ITGA8: variants seen among roughly 807,000 people sequenced by gnomAD.
ITGA8 encodes integrin subunit alpha 8.
Under a neutral mutation model 142.3 loss-of-function variants are expected in ITGA8, and 91 were observed. The ratio of observed to expected loss-of-function variants is 0.64; its 90% CI spans 0.54 to 0.76. The LOEUF is 0.76. Ranked by LOEUF, ITGA8 falls within the 30% of genes least tolerant of loss-of-function variation. The pLI, the probability that ITGA8 is intolerant of heterozygous loss-of-function variation, is 0.00. For missense variants in ITGA8, 1,406 were observed against 1,327.7 expected (o/e 1.06, Z -0.92); for synonymous variants, 505 against 485.2 (o/e 1.04, Z -0.54).
chr10:15,677,718 A>G, intron 5 of ITGA8, 81 bp from the exon 6 acceptor site: 3 of 1,371,946 alleles, frequency 2.2e-6, no homozygotes, highest in East Asian at 2.3e-5. Context: ...ATTGTTGTTA[A>G]TAAGCATTGC....
intron 5 of ITGA8, 110 bp from the exon 6 acceptor site, chr10:15,677,747 ATAAAAAGCAATTTTTAAAAGAGATCCT>A: frequency 2.0e-6 from 2 of 980,818 alleles, no homozygotes; most frequent in Non-Finnish European, 3.0e-6. Context: ...TTTGTTACAC[ATAAAAAGCAATTTTTAAAAGAGATCCT>A]TCGGAGGCCT....
intron 26 of ITGA8, among the ~76,000 whole-genome samples, chr10:15,551,314 G>A (rs146397724): frequency 6.6e-6 from 1 of 152,084 alleles, no homozygotes; most frequent in East Asian, 1.9e-4. Context: ...GCATTGAAAG[G>A]ATGGGCAGAG....
At chr10:15,637,488 C>T (rs2131639697) in intron 13 of ITGA8, among the ~76,000 whole-genome samples, 1 of 150,726 alleles carries the variant, frequency 6.6e-6, no homozygotes, top group East Asian at 2.0e-4. Context: ...TTCCCCTGTT[C>T]TCACAGACTC....
At position 15,531,111 on chromosome 10, in the gene ITGA8, A is replaced by G. The variant is rs138034749; in HGVS notation, c.2921T>C (p.Phe974Ser). The G allele has an allele frequency of 6.9e-4, 1,087 of 1,578,078 alleles. 1 individual carries two copies. The highest frequency in any genetic ancestry group is 1.5e-3 in the Middle Eastern group (9 of 6,000). Reference sequence around the variant, plus strand: ...TGTATAAGGCATCTTCTTAACTTCAAAGGACACCAGGGATGCAAGAGCATA... The same window carrying G: ...TGTATAAGGCATCTTCTTAACTTCAGAGGACACCAGGGATGCAAGAGCATA... ...DPYALASLVS[F>S]EVKKMPYTDQ... Residue 974 changes from phenylalanine (F) to serine (S), a missense_variant, in exon 28 of 30, where the codon TTT (phenylalanine) becomes TCT (serine). Physicochemically the swap from Phe to Ser is radical, Grantham distance 155. Transcript: ENST00000378076.
At chr10:15,571,316 G>A (rs1834178809) in intron 25 of ITGA8, among the ~76,000 whole-genome samples, 2 of 152,192 alleles carry the variant, frequency 1.3e-5, no homozygotes, top group South Asian at 4.1e-4. Flanking sequence ...ATTCCATGAA[G>A]CCTGCGCTGC....
chr10:15,535,495 C>G (rs1415820685), intron 27 of ITGA8, among the ~76,000 whole-genome samples: 1 of 152,182 alleles, frequency 6.6e-6, no homozygotes, highest in Non-Finnish European at 1.5e-5. Context: ...TGTAAACACA[C>G]CAATCAGCAC....
At chr10:15,715,928 G>C (rs1470659341) in intron 2 of ITGA8, among the ~76,000 whole-genome samples, 1 of 152,192 alleles carries the variant, frequency 6.6e-6, no homozygotes, top group Non-Finnish European at 1.5e-5. Context: ...GCAAACACCT[G>C]AGCTGTGACC....
rs75479416 is a variant in ITGA8, at chr10:15,580,842, A to C, written c.2373-5248T>G. Among the ~76,000 whole-genome samples the C allele has an allele frequency of 3.3e-3, 507 of 152,346 alleles. 19 individuals carry two copies. The East Asian group carries it at 0.09, about 27-fold the overall frequency. On this transcript the variant is annotated intron_variant, in intron 23 of 29. Coordinates refer to ENST00000378076, the MANE Select transcript of ITGA8 (RefSeq NM_003638.3). The stretch of plus-strand genomic sequence containing the variant: ...ATCAAACTTGATAGTAAAAGGCTGA[A>C]TGGTTTTCTTGTAAAATTGAACAAG...
chr10:15,718,322 T>C (rs924827841), intron 2 of ITGA8, among the ~76,000 whole-genome samples: 1 of 152,210 alleles, frequency 6.6e-6, no homozygotes, highest in Non-Finnish European at 1.5e-5. Flanking sequence ...CGCGGAGTGA[T>C]GTCTGGGTCT....
chr10:15,660,985 G>T, intron 8 of ITGA8, 63 bp from the exon 9 acceptor site: 1 of 1,300,866 alleles, frequency 7.7e-7, no homozygotes, highest in Non-Finnish European at 1.1e-6. Flanking sequence ...ACACACACAC[G>T]CCATATACTA....
chr10:15,642,544 G>T (rs1034827420), intron 13 of ITGA8, among the ~76,000 whole-genome samples: 3 of 152,088 alleles, frequency 2.0e-5, no homozygotes, highest in African/African-American at 7.2e-5. Context: ...CTAGATTTTT[G>T]AATTATTTTA....
At chr10:15,687,587 T>C (rs1039929129) in intron 3 of ITGA8, among the ~76,000 whole-genome samples, 1 of 152,214 alleles carries the variant, frequency 6.6e-6, no homozygotes, top group Non-Finnish European at 1.5e-5. Context: ...AGCATCCTTA[T>C]GGGAATAGTC....
intron 27 of ITGA8, among the ~76,000 whole-genome samples, chr10:15,540,949 C>T (rs150413768): frequency 1.7e-4 from 26 of 152,336 alleles, no homozygotes; most frequent in African/African-American, 5.5e-4. Flanking sequence ...GAAGTTATTG[C>T]CCATTTCCAT....
intron 13 of ITGA8, among the ~76,000 whole-genome samples, chr10:15,628,624 G>GC (rs1564381639): frequency 6.6e-6 from 1 of 151,674 alleles, no homozygotes; most frequent in African/African-American, 2.4e-5. Flanking sequence ...GAGCCACCGC[G>GC]CCCGGCCAGA....
chr10:15,555,731 T>A (rs1276346942), intron 26 of ITGA8, among the ~76,000 whole-genome samples: 1 of 151,856 alleles, frequency 6.6e-6, no homozygotes, highest in Non-Finnish European at 1.5e-5. Flanking sequence ...AGTCTCGCTC[T>A]GTTGCCCAGG....
chr10:15,687,994 A>G lies in ITGA8; in HGVS notation c.388T>C (p.Phe130Leu). The G allele has an allele frequency of 6.2e-7, 1 of 1,613,814 alleles. No homozygotes were observed. The highest frequency in any genetic ancestry group is 8.5e-7 in the Non-Finnish European group (1 of 1,179,718). ...RVNGTKEPIE[F>L]KSNQWFGATV... ...GCTCCAAACCACTGATTGGATTTGA[A>G]CTCGATAGGTTCTTTGGTTCCATTA... The change falls in exon 3 of 30, where the codon TTC becomes CTC. Residue 130 changes from phenylalanine (F) to leucine (L), a missense_variant. Physicochemically the swap from Phe to Leu is conservative, Grantham distance 22. Transcript: ENST00000378076.
At position 15,531,068 on chromosome 10, in the gene ITGA8, G is replaced by A; in HGVS notation, c.2964C>T (p.Leu988=). ...TACTCACTACTATGCTTCCTTCTGG[G>A]AGTTTTGCTGGCTGATCTGTATAAG... ...KMPYTDQPAK[L]PEGSIVIKTS... is the part of the protein sequence containing the mutation. The change falls in exon 28 of 30, where the codon CTC becomes CTT. Residue 988 remains leucine, a synonymous_variant. Coordinates refer to ENST00000378076, the MANE Select transcript of ITGA8 (RefSeq NM_003638.3). 1 of 1,558,986 alleles carries A rather than the reference G, an allele frequency of 6.4e-7. No homozygotes were observed. The highest frequency in any genetic ancestry group is 8.7e-7 in the Non-Finnish European group (1 of 1,145,922).
rs572571834 is a variant in ITGA8, at chr10:15,667,198, C to T, written c.847+4405G>A. On this transcript the variant is annotated intron_variant, in intron 8 of 29. Coordinates refer to ENST00000378076, the MANE Select transcript of ITGA8 (RefSeq NM_003638.3). Reference sequence around the variant, plus strand: ...TTGATTATTGCCTCAATTTCAGAGCCTGTTATTGGTCTATTCAGAGATTCA... The same window carrying T: ...TTGATTATTGCCTCAATTTCAGAGCTTGTTATTGGTCTATTCAGAGATTCA... Among the ~76,000 whole-genome samples the T allele has an allele frequency of 1.1e-4, 17 of 152,204 alleles. No individual in the cohort carries two copies. In the East Asian group the frequency reaches 3.3e-3, roughly 29 times the overall value.
intron 23 of ITGA8, among the ~76,000 whole-genome samples, chr10:15,579,570 C>G (rs1183180808): frequency 6.6e-6 from 1 of 151,496 alleles, no homozygotes; most frequent in Non-Finnish European, 1.5e-5. Context: ...AAGAAGGAGA[C>G]AAAAGTTCAT....
Sources: allele counts gnomAD v4.1 joint callset (sites outside exome capture counted in the v4.1 genomes callset), GRCh38; gene constraint gnomAD v4.1.1; transcripts MANE v1.5; gene names NCBI Gene and HGNC (gene_info 2026-07-23, HGNC 2026-07-21).